SPATS2L: variants seen among roughly 807,000 people sequenced by gnomAD.
SPATS2L encodes the protein spermatogenesis associated serine rich 2 like.
Under a neutral mutation model 59.6 loss-of-function variants are expected in SPATS2L, and 30 were observed. The ratio of observed to expected loss-of-function variants is 0.50; its 90% CI spans 0.38 to 0.68. The LOEUF is 0.68. Ranked by LOEUF, SPATS2L falls within the 30% of genes least tolerant of loss-of-function variation. The pLI is 0.00. For synonymous variants in SPATS2L, 252 were observed against 263.5 expected, an observed-to-expected ratio of 0.96 and a Z score of 0.42; for missense variants, 615 against 700.0, an observed-to-expected ratio of 0.88 and a Z score of 1.37.
intron 10 of SPATS2L, among the ~76,000 whole-genome samples, chr2:200,469,496 G>C (rs1031562607): frequency 6.6e-6 from 1 of 152,104 alleles, no homozygotes; most frequent in South Asian, 2.1e-4. Context: ...TGGACGTCCC[G>C]GTTCCCTGTT....
At chr2:200,329,048 T>C (rs1039290908) in intron 1 of SPATS2L, among the ~76,000 whole-genome samples, 2 of 152,124 alleles carry the variant, frequency 1.3e-5, no homozygotes, top group African/African-American at 4.8e-5. Context: ...TACCTCAGAG[T>C]ATTGAAGAGT....
At chr2:200,426,722 G>A (rs917284660) in intron 6 of SPATS2L, among the ~76,000 whole-genome samples, 18 of 152,076 alleles carry the variant, frequency 1.2e-4, no homozygotes, top group African/African-American at 4.1e-4. Flanking sequence ...GCAAGACCCC[G>A]CCTCAAAAAA....
At chr2:200,451,065 T>A (rs2085403329) in intron 8 of SPATS2L, among the ~76,000 whole-genome samples, 1 of 152,222 alleles carries the variant, frequency 6.6e-6, no homozygotes, top group Non-Finnish European at 1.5e-5. Flanking sequence ...ACACCTGTTA[T>A]TCCAGCACTT....
chr2:200,348,135 A>C (rs915291552), intron 2 of SPATS2L, among the ~76,000 whole-genome samples: 1 of 152,330 alleles, frequency 6.6e-6, no homozygotes, highest in South Asian at 2.1e-4. Flanking sequence ...CTTGTGATAA[A>C]CCCTGAAAAA....
At chr2:200,306,425 A>C (rs542816553), upstream of SPATS2L, 1 of 1,002,220 alleles carries the variant, frequency 1.0e-6, no homozygotes, top group East Asian at 1.1e-4. Context: ...CAAAGTGCGG[A>C]AGCTGTACTG....
chr2:200,328,186 T>A (rs2105788461), intron 1 of SPATS2L, among the ~76,000 whole-genome samples: 1 of 152,278 alleles, frequency 6.6e-6, no homozygotes, highest in East Asian at 1.9e-4. Context: ...ACAGACCAAG[T>A]GTGTACAGTT....
chr2:200,332,155 AGAGAGAGAGAGG>A (rs1211078898), intron 2 of SPATS2L, among the ~76,000 whole-genome samples: 4 of 12,378 alleles, frequency 3.2e-4, no homozygotes, highest in Admixed American at 1.4e-3. Context: ...TGTGTGTGTG[AGAGAGAGAGAGG>A]GAGAGGGAGA....
chr2:200,334,526 A>G (rs1374902466), intron 2 of SPATS2L, among the ~76,000 whole-genome samples: 1 of 151,388 alleles, frequency 6.6e-6, no homozygotes, highest in Non-Finnish European at 1.5e-5. Flanking sequence ...ATTAGATCCC[A>G]TTTGTCAATT....
At chr2:200,398,441 C>T (rs1258591793) in intron 3 of SPATS2L, among the ~76,000 whole-genome samples, 1 of 152,126 alleles carries the variant, frequency 6.6e-6, no homozygotes, top group East Asian at 1.9e-4. Flanking sequence ...ATTTCCCATC[C>T]TTTAGCAAAC....
At chr2:200,459,999 T>C (rs1261235826) in intron 9 of SPATS2L, among the ~76,000 whole-genome samples, 172 bp downstream of exon 9, 2 of 152,168 alleles carry the variant, frequency 1.3e-5, no homozygotes, top group South Asian at 2.1e-4. Context: ...GAAGCCTCAT[T>C]TACATCATCT....
intron 2 of SPATS2L, 38 bp from the exon 3 acceptor site, chr2:200,389,185 T>C: frequency 5.1e-6 from 7 of 1,363,200 alleles, no homozygotes; most frequent in Non-Finnish European, 7.1e-6. Flanking sequence ...CATTGAGAAA[T>C]CAATTTTAAA....
chr2:200,443,546 T>C (rs1245393718), intron 8 of SPATS2L, among the ~76,000 whole-genome samples: 1 of 152,166 alleles, frequency 6.6e-6, no homozygotes, highest in Non-Finnish European at 1.5e-5. Flanking sequence ...ACAAGCGACA[T>C]AGATGTATAC....
chr2:200,307,049 C>T (rs920868552), intron 1 of SPATS2L, 127 bp downstream of exon 1: 105 of 778,690 alleles, frequency 1.3e-4, no homozygotes, highest in South Asian at 4.1e-4. Context: ...GGCCGCCCAG[C>T]CTCCGCCGCC....
At chr2:200,348,747 T>C (rs2080607144) in intron 2 of SPATS2L, among the ~76,000 whole-genome samples, 1 of 152,176 alleles carries the variant, frequency 6.6e-6, no homozygotes, top group African/African-American at 2.4e-5. Flanking sequence ...AGAAAAGGCC[T>C]GGAAAGCTCC....
chr2:200,442,285 A>G (rs1172109751), intron 8 of SPATS2L, among the ~76,000 whole-genome samples: 5 of 152,208 alleles, frequency 3.3e-5, no homozygotes, highest in Admixed American at 1.3e-4. Flanking sequence ...GTCTTTAGGT[A>G]AGTTACCTTA....
chr2:200,348,572 G>A (rs2080599902), intron 2 of SPATS2L, among the ~76,000 whole-genome samples: 1 of 152,306 alleles, frequency 6.6e-6, no homozygotes, highest in South Asian at 2.1e-4. Context: ...GAGGACAGTG[G>A]GGCTAGGTGG....
upstream of SPATS2L, chr2:200,306,523 T>C: frequency 1.0e-6 from 1 of 1,001,988 alleles, no homozygotes; most frequent in Non-Finnish European, 1.2e-6. Flanking sequence ...TGTGAGCGGA[T>C]ACAAAACCCG....
At chr2:200,419,731 A>C (rs371094911) in intron 6 of SPATS2L, among the ~76,000 whole-genome samples, 1 of 87,814 alleles carries the variant, frequency 1.1e-5, no homozygotes, top group African/African-American at 4.4e-5. Context: ...TTTTTTTTTG[A>C]GTCTGGGTCT....
chr2:200,460,414 G>A (rs1392335556), intron 9 of SPATS2L, among the ~76,000 whole-genome samples: 1 of 152,150 alleles, frequency 6.6e-6, no homozygotes, highest in Non-Finnish European at 1.5e-5. Flanking sequence ...AACCTAACAA[G>A]CAAAGTGTTC....
Sources: gnomAD v4.1 joint callset for allele counts (sites outside exome capture counted in the v4.1 genomes callset) on GRCh38, gnomAD v4.1.1 for gene constraint, MANE v1.5 for transcripts, NCBI Gene and HGNC (gene_info 2026-07-23, HGNC 2026-07-21) for gene names.